Variants in ARMC1 observed in about 807,000 individuals in gnomAD.
The protein encoded by ARMC1 is armadillo repeat containing 1, also known as armadillo repeat-containing protein 1.
ARMC1 carries 16 observed loss-of-function variants against 31.4 expected under a neutral mutation model. The ratio of observed to expected loss-of-function variants is 0.51; its 90% CI spans 0.34 to 0.77. The LOEUF (loss-of-function observed/expected upper bound fraction) is 0.77. Among genes scored for constraint, ARMC1 ranks in the 30% least tolerant of loss-of-function variants. The pLI, the probability that ARMC1 is intolerant of heterozygous loss-of-function variation, is 0.01. For missense variants in ARMC1, 259 were observed against 347.5 expected (o/e 0.75, Z 2.02); for synonymous variants, 114 against 118.9 (o/e 0.96, Z 0.27).
At chr8:65,621,545 G>A (rs1329886277) in intron 3 of ARMC1, among the ~76,000 whole-genome samples, 1 of 152,190 alleles carries the variant, frequency 6.6e-6, no homozygotes, top group Non-Finnish European at 1.5e-5. Flanking sequence ...GTCTCGCTCT[G>A]TTGCCCAGGC....
chr8:65,623,888 C>G (rs545900660), intron 2 of ARMC1, among the ~76,000 whole-genome samples: 42 of 146,484 alleles, frequency 2.9e-4, no homozygotes, highest in Non-Finnish European at 5.5e-4. Flanking sequence ...ACCTCCACCC[C>G]CCGAGTTCAA....
intron 2 of ARMC1, among the ~76,000 whole-genome samples, chr8:65,625,723 G>A (rs1808497393): frequency 6.6e-6 from 1 of 151,834 alleles, no homozygotes; most frequent in Admixed American, 6.6e-5. Context: ...TTTTTTGACT[G>A]CTAAACTTCA....
At chr8:65,611,060 T>C (rs1341701073) in intron 4 of ARMC1, among the ~76,000 whole-genome samples, 1 of 151,870 alleles carries the variant, frequency 6.6e-6, no homozygotes, top group Non-Finnish European at 1.5e-5. Flanking sequence ...CAGCCTCCCA[T>C]GTAGCTGGGA....
intron 2 of ARMC1, among the ~76,000 whole-genome samples, chr8:65,624,935 A>G (rs1465560550): frequency 6.6e-6 from 1 of 152,198 alleles, no homozygotes; most frequent in Non-Finnish European, 1.5e-5. Flanking sequence ...AGCCTGGCCA[A>G]CATGGTGAAA....
chr8:65,616,948 T>C (rs1401417526), intron 3 of ARMC1, among the ~76,000 whole-genome samples: 1 of 151,126 alleles, frequency 6.6e-6, no homozygotes, highest in African/African-American at 2.4e-5. Flanking sequence ...AGCTGCCCCG[T>C]CTGGGAAGTG....
chr8:65,632,629 T>TAATAATAA (rs1446063520), intron 1 of ARMC1, among the ~76,000 whole-genome samples: 93 of 150,814 alleles, frequency 6.2e-4, no homozygotes, highest in Non-Finnish European at 1.2e-3. Flanking sequence ...ATAATAATAG[T>TAATAATAA]AATAATAAAA....
At chr8:65,622,130 C>T (rs1808406493) in intron 3 of ARMC1, 133 bp downstream of exon 3, 4 of 660,516 alleles carry the variant, frequency 6.1e-6, no homozygotes, top group Admixed American at 5.0e-5. Context: ...GTAATCATGC[C>T]TATAATTCCA....
intron 3 of ARMC1, among the ~76,000 whole-genome samples, chr8:65,620,807 A>AAAAAAAAAAAAC (rs1214774171): frequency 9.9e-5 from 15 of 151,724 alleles, no homozygotes; most frequent in African/African-American, 3.1e-4. Context: ...TTTAAAAAAA[A>AAAAAAAAAAAAC]ACACAACTAT....
At chr8:65,619,029 C>T (rs142120071) in intron 3 of ARMC1, among the ~76,000 whole-genome samples, 18 of 151,952 alleles carry the variant, frequency 1.2e-4, no homozygotes, top group Admixed American at 1.0e-3. Flanking sequence ...GGCTACAGAG[C>T]GAGACTCCAT....
intron 3 of ARMC1, among the ~76,000 whole-genome samples, chr8:65,618,840 G>A (rs577876528): frequency 4.6e-5 from 7 of 151,742 alleles, no homozygotes; most frequent in African/African-American, 1.4e-4. Context: ...TCAGGAGACC[G>A]AGACCATCCT....
rs1563414083 is a variant in ARMC1 at position 65,613,279 on chromosome 8, T to G, written c.430A>C (p.Thr144Pro). The G allele has an allele frequency of 6.2e-7, 1 of 1,611,102 alleles. No individual in the cohort carries two copies. Among genetic ancestry groups the G allele is most frequent in the Non-Finnish European group, 8.5e-7 (1 of 1,179,194 alleles). ...FLGTTNKRAK[T>P]VVLHIDGLDD... The stretch of plus-strand genomic sequence containing the variant: ...AGGCCATCTATATGCAAAACCACTG[T>G]TTTGGCACGTTTGTTTGTAGTTCCC... The change falls in exon 4 of 7, where the codon ACA (threonine) becomes CCA (proline). Residue 144 changes from threonine to proline, a missense_variant. Coordinates refer to ENST00000276569, the MANE Select transcript of ARMC1 (RefSeq NM_018120.6).
chr8:65,618,102 G>C (rs1808313617), intron 3 of ARMC1, among the ~76,000 whole-genome samples: 1 of 152,038 alleles, frequency 6.6e-6, no homozygotes, highest in Non-Finnish European at 1.5e-5. Flanking sequence ...TTTTAGCAGA[G>C]ATGGGGTTTC....
At chr8:65,608,456 G>A (rs534589008) in intron 4 of ARMC1, among the ~76,000 whole-genome samples, 3 of 151,980 alleles carry the variant, frequency 2.0e-5, no homozygotes, top group Non-Finnish European at 4.4e-5. Context: ...TTGAACCCAG[G>A]GGGTGGAGGT....
intron 3 of ARMC1, among the ~76,000 whole-genome samples, chr8:65,618,338 C>T (rs967648049): frequency 7.3e-5 from 11 of 151,408 alleles, no homozygotes; most frequent in African/African-American, 9.7e-5. Flanking sequence ...CTGGCTAACA[C>T]GGTGAAACCC....
At chr8:65,613,165 T>G in intron 4 of ARMC1, 79 bp downstream of exon 4, 1 of 1,178,458 alleles carries the variant, frequency 8.5e-7, no homozygotes, top group Non-Finnish European at 1.2e-6. Flanking sequence ...CGAGATTTAT[T>G]CTCAAAGACT....
chr8:65,608,352 C>T (rs1172855707), intron 4 of ARMC1, among the ~76,000 whole-genome samples: 5 of 152,108 alleles, frequency 3.3e-5, no homozygotes, highest in Non-Finnish European at 7.3e-5. Context: ...CATGGCAAAA[C>T]CCTGTCTCTA....
At chr8:65,624,978 A>G (rs990114796) in intron 2 of ARMC1, among the ~76,000 whole-genome samples, 2 of 152,054 alleles carry the variant, frequency 1.3e-5, no homozygotes, top group East Asian at 3.9e-4. Context: ...AAAATTAGCC[A>G]CATGTGATGG....
chr8:65,604,677 C>T, intron 6 of ARMC1, 92 bp from the exon 7 acceptor site: 1 of 1,139,282 alleles, frequency 8.8e-7, no homozygotes, highest in Non-Finnish European at 1.3e-6. Context: ...TTTCCTCTTA[C>T]ATGACAGTAG....
At chr8:65,610,303 T>C (rs911308519) in intron 4 of ARMC1, among the ~76,000 whole-genome samples, 1 of 151,560 alleles carries the variant, frequency 6.6e-6, no homozygotes, top group African/African-American at 2.4e-5. Flanking sequence ...TTCACCACGT[T>C]GGCCAGGCTG....
Sources: allele counts gnomAD v4.1 joint callset (sites outside exome capture counted in the v4.1 genomes callset), GRCh38; gene constraint gnomAD v4.1.1; transcripts MANE v1.5; gene names NCBI Gene and HGNC (gene_info 2026-07-23, HGNC 2026-07-21).